Variants in KANSL3 observed in about 807,000 individuals in gnomAD.
KANSL3 encodes NSL complex protein NSL3.
KANSL3 carries 16 observed loss-of-function variants against 89.2 expected under a neutral mutation model. That is an observed-to-expected ratio of 0.18 (90% CI 0.12 to 0.27). The LOEUF (loss-of-function observed/expected upper bound fraction) is 0.27, where lower values mean the gene tolerates loss of function less well. Ranked by LOEUF, KANSL3 falls within the 10% of genes least tolerant of loss-of-function variation. The probability of loss-of-function intolerance (pLI) is 1.00; values close to 1 mark genes in which losing one functional copy is unlikely to be tolerated. For synonymous variants in KANSL3, 385 were observed against 419.7 expected (o/e 0.92, Z 1.01); for missense variants, 879 against 1,110.6 (o/e 0.79, Z 2.96).
intron 14 of KANSL3, among the ~76,000 whole-genome samples, chr2:96,607,239 G>C (rs1187535173): frequency 6.6e-6 from 1 of 152,138 alleles, no homozygotes; most frequent in Non-Finnish European, 1.5e-5. Flanking sequence ...CTGCCTCATG[G>C]GGCCATGCCA....
intron 5 of KANSL3, among the ~76,000 whole-genome samples, chr2:96,614,194 C>T (rs1020898369): frequency 2.0e-5 from 3 of 152,064 alleles, no homozygotes; most frequent in Non-Finnish European, 4.4e-5. Context: ...CGGGTTCAAG[C>T]GATTTCTTGT....
rs766745374 is a variant in KANSL3, at chr2:96,595,531, G to A, written c.*80C>T. 6 of 1,510,478 alleles carry A rather than the reference G, an allele frequency of 4.0e-6. No homozygotes were observed. Among genetic ancestry groups the A allele is most frequent in the Non-Finnish European group, 4.6e-6 (5 of 1,092,310 alleles). 93.6% of individuals were successfully genotyped at this position (1,510,478 alleles called of 1,614,324 possible). Reference sequence around the variant, plus strand: ...GGTCTTCCGACACGTGGACAGCTCAGCAGGACCACACACCTGTCCAGGGCC... The same window carrying A: ...GGTCTTCCGACACGTGGACAGCTCAACAGGACCACACACCTGTCCAGGGCC... On this transcript the variant is annotated 3_prime_UTR_variant, in exon 21 of 21. Transcript: ENST00000431828.
chr2:96,620,751 C>T (rs2071110323), intron 3 of KANSL3, among the ~76,000 whole-genome samples: 1 of 152,112 alleles, frequency 6.6e-6, no homozygotes, highest in Non-Finnish European at 1.5e-5. Flanking sequence ...GCCTATAATC[C>T]CAGCACTTTG....
chr2:96,608,573 C>A lies in KANSL3; in HGVS notation c.1676G>T (p.Ser559Ile). 1.9e-6 allele frequency: 3 copies of A among 1,614,054 alleles called. No individual in the cohort carries two copies. The highest frequency in any genetic ancestry group is 1.7e-5 in the Admixed American group (1 of 60,030). ...TSAQKSSQIG[S>I]SQLLKRHVQR... ...CACATGTCTCTTCAGCAGCTGAGAA[C>A]TTCCAATCTGACTGGACTTCTGGGC... is the stretch of plus-strand genomic sequence containing the variant. The change falls in exon 14 of 21, where the codon AGT (serine) becomes ATT (isoleucine). Residue 559 changes from serine (S) to isoleucine (I), a missense_variant. By Grantham distance (142) the Ser-to-Ile change is moderately radical. Transcript: ENST00000431828.
At chr2:96,637,547 T>A (rs777795667) in intron 1 of KANSL3, among the ~76,000 whole-genome samples, 1 of 152,130 alleles carries the variant, frequency 6.6e-6, no homozygotes, top group Non-Finnish European at 1.5e-5. Flanking sequence ...ATCACAAATA[T>A]GAATTCGTTG....
intron 2 of KANSL3, among the ~76,000 whole-genome samples, chr2:96,632,031 G>A (rs1411282313): frequency 6.6e-6 from 1 of 152,136 alleles, no homozygotes; most frequent in Non-Finnish European, 1.5e-5. Flanking sequence ...GGGTGACAGA[G>A]CAAGACCTGG....
In KANSL3 at chr2:96,593,601, G is replaced by A. The variant is rs1001812190; in HGVS notation, c.*2010C>T. ...CTTCTTCAGTTGTGGAGTTCTTCAA[G>A]GTGGACAGATCACACCTCAGGAAGT... is the stretch of plus-strand genomic sequence containing the variant. On this transcript the variant is annotated 3_prime_UTR_variant, in exon 21 of 21. Transcript: ENST00000431828. 6.6e-6 allele frequency: 2 copies of A among 304,546 alleles called. No homozygotes were observed. The highest frequency in any genetic ancestry group is 1.3e-5 in the Non-Finnish European group (2 of 152,540). The allele number at this position is 304,546 out of a possible 1,614,324, so 18.9% of individuals were successfully genotyped here.
At position 96,636,983 on chromosome 2, in the gene KANSL3, G is replaced by A; in HGVS notation, c.153C>T (p.Ala51=). The A allele has an allele frequency of 6.4e-7, 1 of 1,551,290 alleles. No individual in the cohort carries two copies. Residue 51 remains alanine, a synonymous_variant, in exon 2 of 21, where the codon GCC becomes GCT. Coordinates refer to ENST00000431828, the MANE Select transcript of KANSL3 (RefSeq NM_001115016.3). ...GCATGCGGGTGGGGCGGGCACTACT[G>A]GCATCTGGGTGGGCACTCCAAGGCT... ...YAKPWSAHPD[A]SSARPTRMLF...
chr2:96,612,534 G>A lies in KANSL3; in HGVS notation c.942C>T (p.Asn314=), dbSNP rs777022104. The A allele has an allele frequency of 3.7e-6, 6 of 1,613,798 alleles. No individual in the cohort carries two copies. In the South Asian group the frequency reaches 4.4e-5, roughly 12 times the overall value. Residue 314 remains asparagine, a synonymous_variant, in exon 8 of 21, where the codon AAC becomes AAT. Transcript: ENST00000431828. The part of the protein sequence containing the change: ...KVIPVATHLL[N]NGSGVGVLQC... ...GTAGAACTCCTACCCCACTGCCATT[G>A]TTCAGCAGATGGGTGGCTACAGGGA... is the stretch of plus-strand genomic sequence containing the variant.
At chr2:96,605,722 TAGAGGATG>T (rs2067884795) in intron 14 of KANSL3, 1 of 395,982 alleles carries the variant, frequency 2.5e-6, no homozygotes. Flanking sequence ...TTGCCCTTCT[TAGAGGATG>T]GCACCCTTCT....
chr2:96,636,807 C>T, intron 2 of KANSL3, 114 bp downstream of exon 2: 1 of 880,732 alleles, frequency 1.1e-6, no homozygotes, highest in Non-Finnish European at 1.7e-6. Flanking sequence ...CTGAATTTAA[C>T]ATCCAAATGC....
At position 96,606,446 on chromosome 2, in the gene KANSL3, G is replaced by A. The variant is rs80315715; in HGVS notation, c.1742-935C>T. The A allele has an allele frequency of 5.4e-3, 828 of 153,076 alleles. 8 individuals are homozygous for A. The highest frequency in any genetic ancestry group is 0.019 in the African/African-American group (784 of 41,558). 9.5% of individuals were successfully genotyped at this position (153,076 alleles called of 1,614,324 possible). On this transcript the variant is annotated intron_variant, in intron 14 of 20. Transcript: ENST00000431828. ...AAAGACTGGTGTGGGGAGGAAGGTA[G>A]CAGTCACATGAGGAGGGAGGAGGGG...
chr2:96,585,020 G>A, the KANSL3 span, among the ~76,000 whole-genome samples: 1 of 152,198 alleles, frequency 6.6e-6, no homozygotes, highest in Non-Finnish European at 1.5e-5. Context: ...AAACGCTGCG[G>A]TGGATGTGGA....
chr2:96,634,838 T>G (rs1330428953), intron 2 of KANSL3, among the ~76,000 whole-genome samples: 2 of 152,164 alleles, frequency 1.3e-5, no homozygotes, highest in Non-Finnish European at 2.9e-5. Context: ...AACTCTTGAT[T>G]TCACCATCAC....
Position 96,593,736 on chromosome 2 carries a change from T to A in KANSL3, c.*1875A>T, listed in dbSNP as rs2066360679. 1 of 185,990 alleles carries A rather than the reference T, an allele frequency of 5.4e-6. No homozygotes were observed. The highest frequency in any genetic ancestry group is 5.4e-5 in the Admixed American group (1 of 18,562). 11.5% of individuals were successfully genotyped at this position (185,990 alleles called of 1,614,324 possible). On this transcript the variant is annotated 3_prime_UTR_variant, in exon 21 of 21. Coordinates refer to ENST00000431828, the MANE Select transcript of KANSL3 (RefSeq NM_001115016.3). ...CAACTTAAGTCATGAATGGGTTGTTTAGGGCTCTGTCTGTCCTAAATGATT... is the reference window on the plus strand; with the variant it reads ...CAACTTAAGTCATGAATGGGTTGTTAAGGGCTCTGTCTGTCCTAAATGATT...
At chr2:96,600,765 CA>C (rs2104973616) in intron 20 of KANSL3, 2 of 985,440 alleles carry the variant, frequency 2.0e-6, no homozygotes, top group South Asian at 9.4e-5. Context: ...GAAATTAGAT[CA>C]GCTAAGAGAA....
chr2:96,600,969 A>G (rs534818654), intron 20 of KANSL3: 1,053 of 810,748 alleles, frequency 1.3e-3, no homozygotes, highest in Non-Finnish European at 1.5e-3. Context: ...ACATAGTGAG[A>G]TATCTCTGTC....
At chr2:96,596,976 T>C (rs578222329) in intron 20 of KANSL3, among the ~76,000 whole-genome samples, 69 of 152,314 alleles carry the variant, frequency 4.5e-4, no homozygotes, top group African/African-American at 1.6e-3. Flanking sequence ...GAGTACACAA[T>C]AGTCCATTCC....
chr2:96,619,211 C>T (rs1439311895), intron 5 of KANSL3, 148 bp downstream of exon 5: 2 of 658,108 alleles, frequency 3.0e-6, no homozygotes, highest in Non-Finnish European at 5.0e-6. Flanking sequence ...GAAATGATAC[C>T]CTGTCTCCCA....
Sources: allele counts gnomAD v4.1 joint callset (sites outside exome capture counted in the v4.1 genomes callset), GRCh38; gene constraint gnomAD v4.1.1; transcripts MANE v1.5; gene names NCBI Gene and HGNC (gene_info 2026-07-23, HGNC 2026-07-21).